Variants in RACGAP1 observed in about 807,000 individuals in gnomAD.
The protein encoded by RACGAP1 is rac GTPase-activating protein 1.
In RACGAP1, 30 loss-of-function variants were observed where a neutral mutation model predicts 78.1. The observed-to-expected ratio is 0.38, with a 90% CI of 0.29 to 0.52. The LOEUF (loss-of-function observed/expected upper bound fraction) is 0.52, where lower values mean the gene tolerates loss of function less well. RACGAP1 is among the 20% of genes least tolerant of loss of function. The probability of loss-of-function intolerance (pLI) is 0.82; values close to 1 mark genes in which losing one functional copy is unlikely to be tolerated. For synonymous variants in RACGAP1, 231 were observed against 264.8 expected, an observed-to-expected ratio of 0.87 and a Z score of 1.24; for missense variants, 587 against 777.1, an observed-to-expected ratio of 0.76 and a Z score of 2.91.
chr12:50,003,742 A>G (rs948933984), intron 5 of RACGAP1, among the ~76,000 whole-genome samples: 2 of 152,234 alleles, frequency 1.3e-5, no homozygotes, highest in African/African-American at 4.8e-5. Flanking sequence ...TGTTGATGAA[A>G]GCATTATATA....
chr12:49,994,674 T>A (rs906489127), intron 10 of RACGAP1, among the ~76,000 whole-genome samples, 165 bp from the exon 11 acceptor site: 1 of 152,138 alleles, frequency 6.6e-6, no homozygotes, highest in South Asian at 2.1e-4. Context: ...CTCTCAATTA[T>A]TTTTCCTACC....
Position 49,992,232 on chromosome 12 carries a change from C to G in RACGAP1, c.1578+13G>C, listed in dbSNP as rs296737. 4 of 1,613,628 alleles carry G rather than the reference C, an allele frequency of 2.5e-6. No homozygotes were observed. Among genetic ancestry groups the G allele is most frequent in the African/African-American group, 1.3e-5 (1 of 74,620 alleles). On this transcript the variant is annotated intron_variant, in intron 14 of 16. Coordinates refer to ENST00000312377, the MANE Select transcript of RACGAP1 (RefSeq NM_001319999.2). ...ACACAAGTTCACATACACACACACA[C>G]GCACCTGCCTACCTTGGGTTGACGC...
At position 49,989,877 on chromosome 12, in the gene RACGAP1, G is replaced by A. The variant is rs1169829151; in HGVS notation, c.*391C>T. Reference sequence around the variant, plus strand: ...AAGCTAATCTTATCAGATAGGTAGGGTTTCTGTCATTGTCTCACGGAAATC... The same window carrying A: ...AAGCTAATCTTATCAGATAGGTAGGATTTCTGTCATTGTCTCACGGAAATC... On this transcript the variant is annotated 3_prime_UTR_variant, in exon 17 of 17. Transcript: ENST00000312377. 6.0e-6 allele frequency: 1 copy of A among 165,616 alleles called. No individual in the cohort carries two copies. The highest frequency in any genetic ancestry group is 2.4e-5 in the African/African-American group (1 of 41,884). The allele number at this position is 165,616 out of a possible 1,614,324, so 10.3% of individuals were successfully genotyped here.
chr12:50,029,928 C>A (rs1010104785), upstream of RACGAP1, among the ~76,000 whole-genome samples: 2 of 151,992 alleles, frequency 1.3e-5, no homozygotes, highest in Non-Finnish European at 2.9e-5. Context: ...AAATGCAATT[C>A]TACTACAGAA....
At chr12:50,026,071 A>T (rs983507286), upstream of RACGAP1, among the ~76,000 whole-genome samples, 23 of 152,372 alleles carry the variant, frequency 1.5e-4, no homozygotes, top group African/African-American at 5.0e-4. Flanking sequence ...AAAATAAAAT[A>T]CTATAATTCC....
At chr12:50,009,833 C>T (rs1949203536) in intron 2 of RACGAP1, among the ~76,000 whole-genome samples, 1 of 152,222 alleles carries the variant, frequency 6.6e-6, no homozygotes, top group South Asian at 2.1e-4. Context: ...AAATGGAATG[C>T]CCTACCTATT....
chr12:50,016,824 T>A, intron 1 of RACGAP1, 105 bp from the exon 2 acceptor site: 4 of 1,410,216 alleles, frequency 2.8e-6, no homozygotes, highest in Non-Finnish European at 3.8e-6. Flanking sequence ...CTCTTCCATT[T>A]ATAACTACCA....
intron 2 of RACGAP1, among the ~76,000 whole-genome samples, chr12:50,014,458 G>T (rs546610826): frequency 1.3e-5 from 2 of 152,270 alleles, no homozygotes; most frequent in African/African-American, 4.8e-5. Flanking sequence ...ACCCAGGCGG[G>T]AGTGCAGTGG....
Position 49,994,152 on chromosome 12 carries a change from T to C in RACGAP1, c.1318A>G (p.Arg440Gly). ...KEPLLTFRLN[R>G]AFMEAAEITD... The stretch of plus-strand genomic sequence containing the variant: ...TTACCTGCTGCTTCCATAAAGGCTC[T>C]GTTAAGGCGAAAGGTCAGAAGAGGT... The change falls in exon 12 of 17, where the codon AGA becomes GGA. Residue 440 changes from arginine (R) to glycine (G), a missense_variant. Coordinates refer to ENST00000312377, the MANE Select transcript of RACGAP1 (RefSeq NM_001319999.2). 1 of 1,613,022 alleles carries C rather than the reference T, an allele frequency of 6.2e-7. No individual in the cohort carries two copies. Among genetic ancestry groups the C allele is most frequent in the Non-Finnish European group, 8.5e-7 (1 of 1,179,904 alleles).
intron 1 of RACGAP1, 24 bp from the exon 2 acceptor site, chr12:50,016,743 TA>T (rs1164590320): frequency 6.2e-7 from 1 of 1,609,020 alleles, no homozygotes; most frequent in Non-Finnish European, 8.5e-7. Flanking sequence ...AAATATACAT[TA>T]GGGGTCCTGC....
rs1388922497 is a variant in RACGAP1, at chr12:49,989,349, C to T, written c.*919G>A. The T allele has an allele frequency of 6.6e-6, 1 of 152,124 alleles. No individual in the cohort carries two copies. The highest frequency in any genetic ancestry group is 1.5e-5 in the Non-Finnish European group (1 of 68,032). 9.4% of individuals were successfully genotyped at this position (152,124 alleles called of 1,614,324 possible). A position where few individuals can be genotyped will look rare whatever the true frequency, so the allele number is the denominator to read the frequency against. On this transcript the variant is annotated 3_prime_UTR_variant, in exon 17 of 17. Transcript: ENST00000312377. ...TGGCTATGTTCCATGGGAAAAATTT[C>T]AGCATCCAAAGTGCAAAGAAAAAAT...
At chr12:49,990,937 C>T in intron 15 of RACGAP1, 145 bp from the exon 16 acceptor site, 1 of 614,814 alleles carries the variant, frequency 1.6e-6, no homozygotes, top group Admixed American at 3.0e-5. Flanking sequence ...TTTTTGTCAT[C>T]ATTCTGTAAC....
intron 15 of RACGAP1, 101 bp downstream of exon 15, chr12:49,991,897 T>C (rs1592125762): frequency 1.3e-6 from 2 of 1,550,606 alleles, no homozygotes; most frequent in East Asian, 4.5e-5. Context: ...TTTCCTTTAA[T>C]GTTAGAATTT....
intron 5 of RACGAP1, among the ~76,000 whole-genome samples, chr12:50,003,731 T>C (rs1056799278): frequency 2.0e-5 from 3 of 152,218 alleles, no homozygotes; most frequent in Admixed American, 6.5e-5. Flanking sequence ...ATGTTAACCA[T>C]TGTTGATGAA....
intron 2 of RACGAP1, among the ~76,000 whole-genome samples, chr12:50,010,017 A>G (rs1478132306): frequency 1.3e-5 from 2 of 152,262 alleles, no homozygotes; most frequent in Non-Finnish European, 2.9e-5. Flanking sequence ...CTTCTTGAAG[A>G]CAGGCAATAT....
intron 12 of RACGAP1, 146 bp downstream of exon 12, chr12:49,993,985 C>T (rs1352956341): frequency 1.4e-5 from 10 of 739,324 alleles, no homozygotes; most frequent in South Asian, 1.1e-4. Context: ...ACGGAGGTTG[C>T]AGTGAGCTGA....
intron 2 of RACGAP1, among the ~76,000 whole-genome samples, chr12:50,007,577 C>T (rs1278053839): frequency 1.3e-5 from 2 of 152,208 alleles, no homozygotes; most frequent in African/African-American, 4.8e-5. Context: ...GCCAAATTCA[C>T]ACACAGCTAG....
chr12:49,990,189 C>A lies in RACGAP1; in HGVS notation c.*79G>T. 2 of 1,230,166 alleles carry A rather than the reference C, an allele frequency of 1.6e-6. No individual in the cohort carries two copies. Among genetic ancestry groups the A allele is most frequent in the South Asian group, 1.2e-5 (1 of 81,974 alleles). 76.2% of individuals were successfully genotyped at this position (1,230,166 alleles called of 1,614,324 possible). ...AGAATGCTAAAAGTAGTAATGAGTA[C>A]AGGAGGCTGCAGAGCAGAGTACAGA... is the stretch of plus-strand genomic sequence containing the variant. On this transcript the variant is annotated 3_prime_UTR_variant, in exon 17 of 17. Transcript: ENST00000312377.
In RACGAP1 at chr12:50,001,177, C is replaced by A; in HGVS notation, c.625G>T (p.Asp209Tyr). 1 of 1,598,980 alleles carries A rather than the reference C, an allele frequency of 6.3e-7. No individual in the cohort carries two copies. Among genetic ancestry groups the A allele is most frequent in the South Asian group, 1.1e-5 (1 of 90,730 alleles). Residue 209 changes from aspartate to tyrosine, a missense_variant, in exon 7 of 17, where the codon GAC (aspartate) becomes TAC (tyrosine). Physicochemically the swap from Asp to Tyr is radical, Grantham distance 160. Coordinates refer to ENST00000312377, the MANE Select transcript of RACGAP1 (RefSeq NM_001319999.2). ...KKTRSIGSAV[D>Y]QGNESIVAKT... is the part of the protein sequence containing the mutation. ...CTTGGCCTGACTATTCTTACCTGGT[C>A]TACTGCAGAGCCAATGGAACGAGTT...
Sources: gnomAD v4.1 joint callset for allele counts (sites outside exome capture counted in the v4.1 genomes callset) on GRCh38, gnomAD v4.1.1 for gene constraint, MANE v1.5 for transcripts, NCBI Gene and HGNC (gene_info 2026-07-23, HGNC 2026-07-21) for gene names.